PIK3R5: variants seen among roughly 807,000 people sequenced by gnomAD.
The protein encoded by PIK3R5 is phosphoinositide-3-kinase regulatory subunit 5.
In PIK3R5, 32 loss-of-function variants were observed where a neutral mutation model predicts 94.9. The observed-to-expected ratio is 0.34, with a 90% confidence interval of 0.25 to 0.45. The LOEUF (loss-of-function observed/expected upper bound fraction) is 0.45, where lower values mean the gene tolerates loss of function less well. Ranked by LOEUF, PIK3R5 falls within the 20% of genes least tolerant of loss-of-function variation. PIK3R5 has a pLI of 1.00. For missense variants in PIK3R5, 853 were observed against 1,144.6 expected, an observed-to-expected ratio of 0.75 and a Z score of 3.68; for synonymous variants, 443 against 479.4, an observed-to-expected ratio of 0.92 and a Z score of 0.99.
Position 8,889,906 on chromosome 17 carries a change from G to A in PIK3R5, c.811+67C>T, listed in dbSNP as rs1597377647. On this transcript the variant is annotated intron_variant, in intron 8 of 18. Coordinates refer to ENST00000447110, the MANE Select transcript of PIK3R5 (RefSeq NM_001142633.3). This position sits in a 1 kb window ranked among gnomAD's most constrained non-coding sequence, Gnocchi z 4.1. ...CAGAGCCACCAGGCCCGCCTGGACCGTGCACCTTGGGACCTAGAATAGGCC... is the reference window on the plus strand; with the variant it reads ...CAGAGCCACCAGGCCCGCCTGGACCATGCACCTTGGGACCTAGAATAGGCC... 1.7e-5 allele frequency: 27 copies of A among 1,565,472 alleles called. No homozygotes were observed. The highest frequency in any genetic ancestry group is 6.7e-5 in the East Asian group (3 of 44,486).
At chr17:8,913,973 T>A (rs553425592) in intron 1 of PIK3R5, among the ~76,000 whole-genome samples, 7 of 152,186 alleles carry the variant, frequency 4.6e-5, no homozygotes, top group Non-Finnish European at 7.4e-5. Flanking sequence ...GACTGACACC[T>A]GTGATGAGGC....
intron 1 of PIK3R5, among the ~76,000 whole-genome samples, chr17:8,927,777 T>C (rs1482199921): frequency 6.6e-6 from 1 of 152,176 alleles, no homozygotes; most frequent in Non-Finnish European, 1.5e-5. Context: ...GAGAGGTCTT[T>C]GGATGGTTGG....
At chr17:8,917,603 T>C (rs902122150) in intron 1 of PIK3R5, among the ~76,000 whole-genome samples, 2 of 152,198 alleles carry the variant, frequency 1.3e-5, no homozygotes, top group Non-Finnish European at 2.9e-5. Flanking sequence ...TGGTGACTCA[T>C]GCCTGTAATC....
At chr17:8,921,109 G>A (rs1325281944) in intron 1 of PIK3R5, among the ~76,000 whole-genome samples, 1 of 152,036 alleles carries the variant, frequency 6.6e-6, no homozygotes, top group Non-Finnish European at 1.5e-5. Context: ...CCAAAGTGCT[G>A]GGATTACAGG....
chr17:8,934,568 C>T (rs141671671), intron 1 of PIK3R5, among the ~76,000 whole-genome samples: 6 of 152,216 alleles, frequency 3.9e-5, no homozygotes, highest in African/African-American at 7.2e-5. Context: ...AACATGCCTT[C>T]GGTATATGGA....
intron 1 of PIK3R5, among the ~76,000 whole-genome samples, chr17:8,919,424 T>C (rs1201213292): frequency 6.6e-6 from 1 of 152,226 alleles, no homozygotes; most frequent in Non-Finnish European, 1.5e-5. Context: ...GTAGTCACAG[T>C]GGACTAGCGC....
At chr17:8,964,261 G>T (rs1193430672) in intron 1 of PIK3R5, among the ~76,000 whole-genome samples, 1 of 152,018 alleles carries the variant, frequency 6.6e-6, no homozygotes, top group African/African-American at 2.4e-5. Flanking sequence ...GCGCCGTGGT[G>T]CTGACCTGTA....
At chr17:8,906,093 C>T (rs1166786630) in intron 3 of PIK3R5, among the ~76,000 whole-genome samples, 2 of 152,112 alleles carry the variant, frequency 1.3e-5, no homozygotes, top group Non-Finnish European at 2.9e-5. Flanking sequence ...CACCCATCAA[C>T]CTGTCATCTA....
chr17:8,889,333 A>G lies in PIK3R5; in HGVS notation c.812-111T>C. 1 of 755,498 alleles carries G rather than the reference A, an allele frequency of 1.3e-6. No homozygotes were observed. The allele number at this position is 755,498 out of a possible 1,614,324, so 46.8% of individuals were successfully genotyped here. ...ACCAGAGATGGGACAGGATCGGCAC[A>G]AGGATATGTAGCTGGATAGGCTGAG... On this transcript the variant is annotated intron_variant, in intron 8 of 18. Transcript: ENST00000447110. This position sits in a 1 kb window ranked among gnomAD's most constrained non-coding sequence, Gnocchi z 4.1.
At position 8,881,238 on chromosome 17, in the gene PIK3R5, C is replaced by T. The variant is rs2089649249; in HGVS notation, c.2383-221G>A. Among the ~76,000 whole-genome samples the T allele has an allele frequency of 6.6e-6, 1 of 152,134 alleles. No individual in the cohort carries two copies. Among genetic ancestry groups the T allele is most frequent in the African/African-American group, 2.4e-5 (1 of 41,420 alleles). ...AGCATCTGGAAGAAGCAAGTGCCCC[C>T]TGAGGAGACATTGCCCTGCCTGCTG... On this transcript the variant is annotated intron_variant, in intron 17 of 18. Coordinates refer to ENST00000447110, the MANE Select transcript of PIK3R5 (RefSeq NM_001142633.3). The surrounding 1 kb of genome is among the most constrained non-coding windows in gnomAD (Gnocchi z 4.8).
chr17:8,928,358 A>T (rs917747518), intron 1 of PIK3R5, among the ~76,000 whole-genome samples: 3 of 152,220 alleles, frequency 2.0e-5, no homozygotes, highest in African/African-American at 7.2e-5. Context: ...AATCACATAA[A>T]ACTTGTCAAA....
chr17:8,890,070 C>T lies in PIK3R5; in HGVS notation c.714G>A (p.Glu238=), dbSNP rs2089985736. 1.9e-6 allele frequency: 3 copies of T among 1,614,026 alleles called. No homozygotes were observed. The highest frequency in any genetic ancestry group is 2.2e-5 in the South Asian group (2 of 91,086). ...CAGCATCCCCGATGCCAGATGCCAG[C>T]TCCTGTGCCTCTGCGGTCTCCGTGA... The part of the protein sequence containing the change: ...DIFTETAEAQ[E]LASGIGDAAE... Residue 238 remains glutamate (E), a synonymous_variant, in exon 8 of 19, where the codon GAG becomes GAA. Coordinates refer to ENST00000447110, the MANE Select transcript of PIK3R5 (RefSeq NM_001142633.3). The surrounding 1 kb of genome is among the most constrained non-coding windows in gnomAD (Gnocchi z 6.1).
chr17:8,890,881 G>A lies in PIK3R5; in HGVS notation c.514C>T (p.Gln172Ter). 1 of 1,613,814 alleles carries A rather than the reference G, an allele frequency of 6.2e-7. No individual in the cohort carries two copies. Among genetic ancestry groups the A allele is most frequent in the Non-Finnish European group, 8.5e-7 (1 of 1,179,946 alleles). ...TTGGCTACAGCAAGGAACTCGGCCTGCACTTCCACTGGGTTCAGCAGCAGC... is the reference window on the plus strand; with the variant it reads ...TTGGCTACAGCAAGGAACTCGGCCTACACTTCCACTGGGTTCAGCAGCAGC... ...TVLLLNPVEVQAEFLAVANKL... is the reference protein window; with the variant it reads ...TVLLLNPVEV The change falls in exon 7 of 19, where the codon CAG (glutamine) becomes TAG (stop). Residue 172 changes from glutamine (Q) to a stop codon, truncating the protein, a stop_gained. Transcript: ENST00000447110. LOFTEE classifies it high-confidence loss of function. This position sits in a 1 kb window ranked among gnomAD's most constrained non-coding sequence, Gnocchi z 6.1.
At chr17:8,887,820 C>G in intron 10 of PIK3R5, 137 bp from the exon 11 acceptor site, 2 of 711,752 alleles carry the variant, frequency 2.8e-6, no homozygotes, top group South Asian at 3.9e-5. Flanking sequence ...GAGGGAAACC[C>G]CATCTCTACT....
chr17:8,886,039 C>T (rs1195649122), intron 14 of PIK3R5, among the ~76,000 whole-genome samples, 190 bp downstream of exon 14: 1 of 151,518 alleles, frequency 6.6e-6, no homozygotes, highest in African/African-American at 2.4e-5. Context: ...TCCCCAGGGC[C>T]CCGCCTACCG....
intron 1 of PIK3R5, among the ~76,000 whole-genome samples, chr17:8,923,402 G>T (rs1187887941): frequency 6.6e-6 from 1 of 152,188 alleles, no homozygotes; most frequent in Admixed American, 6.5e-5. Flanking sequence ...TATGAATTAA[G>T]TCATTAAATC....
Position 8,909,145 on chromosome 17 carries a change from G to T in PIK3R5, c.133C>A (p.Gln45Lys). The T allele has an allele frequency of 1.2e-6, 2 of 1,604,170 alleles. No homozygotes were observed. The highest frequency in any genetic ancestry group is 1.1e-5 in the South Asian group (1 of 89,496). ...CCCGGGTCCCTGCTGACCAGCTCCTGCAGGCTCCAGCAGTTCAGACACAGC... is the reference window on the plus strand; with the variant it reads ...CCCGGGTCCCTGCTGACCAGCTCCTTCAGGCTCCAGCAGTTCAGACACAGC... ...AGLCLNCWSL[Q>K]ELVSRDPGHF... Residue 45 changes from glutamine (Q) to lysine (K), a missense_variant, in exon 3 of 19, where the codon CAG (glutamine) becomes AAG (lysine). By Grantham distance (53) the Gln-to-Lys change is moderately conservative (BLOSUM62 1). Transcript: ENST00000447110. This position sits in a 1 kb window ranked among gnomAD's most constrained non-coding sequence, Gnocchi z 4.3.
rs970552806 is a variant in PIK3R5 at position 8,888,446 on chromosome 17, C to A, written c.1341G>T (p.Ser447=). ...CCCGCCTCAGGGGCAGGGCCGTGTC[C>A]GAGCTGCCCTCCAGGCTCCGAGAGT... ...RRDSRSLEGS[S]DTALPLRRAG... is the part of the protein sequence containing the mutation. The change falls in exon 10 of 19, where the codon TCG becomes TCT. Residue 447 remains serine (S), a synonymous_variant. Transcript: ENST00000447110. The surrounding 1 kb of genome is among the most constrained non-coding windows in gnomAD (Gnocchi z 7.8). 1.9e-6 allele frequency: 3 copies of A among 1,598,820 alleles called. No homozygotes were observed. The highest frequency in any genetic ancestry group is 2.6e-6 in the Non-Finnish European group (3 of 1,173,834).
Position 8,879,931 on chromosome 17 carries a change from C to T in PIK3R5, c.*708G>A, listed in dbSNP as rs1477226114. The stretch of plus-strand genomic sequence containing the variant: ...TAGTGATTTAGCTAGAACTGAGCTG[C>T]TACTAAATTTAACCCTATCCTGTCT... On this transcript the variant is annotated 3_prime_UTR_variant, in exon 19 of 19. Coordinates refer to ENST00000447110, the MANE Select transcript of PIK3R5 (RefSeq NM_001142633.3). This position sits in a 1 kb window ranked among gnomAD's most constrained non-coding sequence, Gnocchi z 4.4. The T allele has an allele frequency of 1.3e-5, 2 of 152,318 alleles. No individual in the cohort carries two copies. The highest frequency in any genetic ancestry group is 3.9e-4 in the East Asian group (2 of 5,184). 9.4% of individuals were successfully genotyped at this position (152,318 alleles called of 1,614,324 possible).
Sources: gnomAD v4.1 joint callset for allele counts (sites outside exome capture counted in the v4.1 genomes callset) on GRCh38, gnomAD v4.1.1 for gene constraint, Gnocchi (gnomAD v3.1) non-coding constraint, MANE v1.5 for transcripts, NCBI Gene and HGNC (gene_info 2026-07-23, HGNC 2026-07-21) for gene names.